Variants in MOB4 observed in about 807,000 individuals in gnomAD.
MOB4 encodes MOB family member 4, phocein.
Under a neutral mutation model 32.2 loss-of-function variants are expected in MOB4, and 4 were observed. The observed-to-expected ratio is 0.12, with a 90% CI of 0.06 to 0.28. MOB4 has a LOEUF of 0.28. Ranked by LOEUF, MOB4 falls within the 10% of genes least tolerant of loss-of-function variation. The pLI is 1.00. For missense variants in MOB4, 158 were observed against 271.2 expected, an observed-to-expected ratio of 0.58 and a Z score of 2.93; for synonymous variants, 88 against 88.1, an observed-to-expected ratio of 1.00 and a Z score of 0.01.
chr2:197,517,064 A>C (rs948647742), intron 1 of MOB4, among the ~76,000 whole-genome samples: 2 of 152,242 alleles, frequency 1.3e-5, no homozygotes, highest in Admixed American at 6.5e-5. Context: ...TCGTGGAGCT[A>C]TGATTGTATG....
intron 2 of MOB4, chr2:197,533,980 G>A (rs2086753187): frequency 1.9e-6 from 1 of 536,948 alleles, no homozygotes; most frequent in South Asian, 1.5e-5. Context: ...AATTTTACAT[G>A]AGATGGCACA....
intron 6 of MOB4, among the ~76,000 whole-genome samples, chr2:197,549,188 A>C (rs2087051139): frequency 6.6e-6 from 1 of 151,990 alleles, no homozygotes; most frequent in Non-Finnish European, 1.5e-5. Flanking sequence ...AGATCGCGCC[A>C]TTGCACTCCG....
At chr2:197,536,694 C>T (rs1312789847) in intron 3 of MOB4, among the ~76,000 whole-genome samples, 11 of 147,828 alleles carry the variant, frequency 7.4e-5, no homozygotes, top group South Asian at 2.1e-4. Context: ...CTCTGCCTCC[C>T]GAGTTCAAGT....
At position 197,550,505 on chromosome 2, in the gene MOB4, C is replaced by G; in HGVS notation, c.547-10C>G. On this transcript the variant is annotated splice_polypyrimidine_tract_variant and intron_variant, in intron 7 of 7. Transcript: ENST00000323303. ...GAATTAAAATAACATTTTTGTCTTC[C>G]TCTCTACAGAATGAAACATTTTTGT... 1 of 1,585,186 alleles carries G rather than the reference C, an allele frequency of 6.3e-7. No individual in the cohort carries two copies. The highest frequency in any genetic ancestry group is 8.6e-7 in the Non-Finnish European group (1 of 1,168,640).
intron 7 of MOB4, 62 bp downstream of exon 7, chr2:197,550,448 A>C (rs2087078377): frequency 6.3e-7 from 1 of 1,587,464 alleles, no homozygotes; most frequent in Non-Finnish European, 8.6e-7. Flanking sequence ...ATATATATTG[A>C]TGTTATTTCT....
chr2:197,525,133 CAG>C (rs1297542624), intron 2 of MOB4, among the ~76,000 whole-genome samples: 1 of 152,098 alleles, frequency 6.6e-6, no homozygotes, highest in Admixed American at 6.6e-5. Flanking sequence ...ATCACCAGGT[CAG>C]GAGATCGAGA....
intron 2 of MOB4, among the ~76,000 whole-genome samples, chr2:197,525,855 T>A (rs2086603573): frequency 6.6e-6 from 1 of 152,182 alleles, no homozygotes; most frequent in Non-Finnish European, 1.5e-5. Flanking sequence ...ATTGGTTAAA[T>A]TTTGAAGAAA....
chr2:197,519,513 AC>A (rs1027700214), intron 1 of MOB4, among the ~76,000 whole-genome samples: 13 of 152,320 alleles, frequency 8.5e-5, no homozygotes, highest in Admixed American at 8.5e-4. Flanking sequence ...ACTTAATAAT[AC>A]CTAATGCAAT....
chr2:197,550,700 A>G lies in MOB4; in HGVS notation c.*54A>G, dbSNP rs1279807445. On this transcript the variant is annotated 3_prime_UTR_variant, in exon 8 of 8. Coordinates refer to ENST00000323303, the MANE Select transcript of MOB4 (RefSeq NM_015387.5). ...ATATAATTAACATTATGTACTGTAT[A>G]TATCATTTTAGACACATCAATCATG... The G allele has an allele frequency of 1.7e-5, 25 of 1,505,354 alleles. No individual in the cohort carries two copies. The highest frequency in any genetic ancestry group is 5.0e-4 in the Middle Eastern group (2 of 3,994). 93.2% of individuals were successfully genotyped at this position (1,505,354 alleles called of 1,614,324 possible). A position where few individuals can be genotyped will look rare whatever the true frequency, so the allele number is the denominator to read the frequency against.
upstream of MOB4, chr2:197,515,764 C>A (rs542096729): frequency 3.1e-4 from 126 of 403,896 alleles, 1 homozygote; most frequent in South Asian, 2.4e-3. Context: ...CAACGTGCAA[C>A]GCAGCCGTGC....
At chr2:197,538,330 G>A (rs537931483) in intron 3 of MOB4, among the ~76,000 whole-genome samples, 7 of 147,836 alleles carry the variant, frequency 4.7e-5, no homozygotes, top group African/African-American at 1.7e-4. Flanking sequence ...ATTAACTATC[G>A]TATATATTCT....
At chr2:197,540,837 ATGT>A (rs1383102401) in intron 5 of MOB4, among the ~76,000 whole-genome samples, 1 of 151,768 alleles carries the variant, frequency 6.6e-6, no homozygotes, top group Non-Finnish European at 1.5e-5. Flanking sequence ...TTAAATATTC[ATGT>A]TGTTTTTCTC....
At chr2:197,520,800 G>A (rs527794434) in intron 1 of MOB4, among the ~76,000 whole-genome samples, 1 of 148,834 alleles carries the variant, frequency 6.7e-6, no homozygotes. Context: ...GCTCATGCTT[G>A]TAATGCCAGC....
chr2:197,531,212 T>TA (rs2086697774), intron 2 of MOB4, among the ~76,000 whole-genome samples: 1 of 151,874 alleles, frequency 6.6e-6, no homozygotes, highest in Non-Finnish European at 1.5e-5. Flanking sequence ...TATGCCCGGC[T>TA]ATTTTGTATT....
intron 5 of MOB4, among the ~76,000 whole-genome samples, chr2:197,543,149 T>C (rs2086927957): frequency 6.6e-6 from 1 of 152,150 alleles, no homozygotes; most frequent in South Asian, 2.1e-4. Context: ...AAAAATTAGC[T>C]GAGTGTGATG....
At chr2:197,535,392 CTA>C (rs1388604005) in intron 2 of MOB4, 136 bp from the exon 3 acceptor site, 1 of 639,790 alleles carries the variant, frequency 1.6e-6, no homozygotes, top group Non-Finnish European at 2.4e-6. Flanking sequence ...GATTATGATT[CTA>C]TACTTGGTTT....
At chr2:197,532,005 G>C (rs2106118202) in intron 2 of MOB4, among the ~76,000 whole-genome samples, 1 of 152,118 alleles carries the variant, frequency 6.6e-6, no homozygotes, top group South Asian at 2.1e-4. Context: ...CACCTCCCAG[G>C]TTCAAGTGAT....
chr2:197,541,818 C>A (rs1285141702), intron 5 of MOB4, among the ~76,000 whole-genome samples: 1 of 151,438 alleles, frequency 6.6e-6, no homozygotes, highest in African/African-American at 2.4e-5. Context: ...ACTTGGGAGG[C>A]TGAGGCAGGA....
At position 197,525,729 on chromosome 2, in the gene MOB4, A is replaced by G. The variant is rs569477867; in HGVS notation, c.123+2043A>G. On this transcript the variant is annotated intron_variant, in intron 2 of 7. Coordinates refer to ENST00000323303, the MANE Select transcript of MOB4 (RefSeq NM_015387.5). ...TATCTCAAAAAAAAAAAAAAAAAAG[A>G]AAAAGTGCTGTTCAATCAGCAAATA... Among the ~76,000 whole-genome samples, 76 of 151,498 alleles carry G rather than the reference A, an allele frequency of 5.0e-4. 2 individuals are homozygous for G. The South Asian group carries it at 8.3e-3, about 17-fold the overall frequency.
Sources: allele counts gnomAD v4.1 joint callset (sites outside exome capture counted in the v4.1 genomes callset), GRCh38; gene constraint gnomAD v4.1.1; transcripts MANE v1.5; gene names NCBI Gene and HGNC (gene_info 2026-07-23, HGNC 2026-07-21).